Variants in PTPN5 observed in about 807,000 individuals in gnomAD.
PTPN5 encodes tyrosine-protein phosphatase non-receptor type 5.
Under a neutral mutation model 73.9 loss-of-function variants are expected in PTPN5, and 29 were observed. That is an observed-to-expected ratio of 0.39 (90% confidence interval 0.29 to 0.54). The LOEUF is 0.54. Ranked by LOEUF, PTPN5 falls within the 20% of genes least tolerant of loss-of-function variation. The probability of loss-of-function intolerance (pLI) is 0.65; values close to 1 mark genes in which losing one functional copy is unlikely to be tolerated. For synonymous variants in PTPN5, 267 were observed against 304.7 expected (o/e 0.88, Z 1.29); for missense variants, 652 against 751.4 (o/e 0.87, Z 1.55).
At chr11:18,767,786 G>A (rs1451254117) in intron 2 of PTPN5, among the ~76,000 whole-genome samples, 5 of 152,172 alleles carry the variant, frequency 3.3e-5, no homozygotes. Context: ...TTAGAACAAA[G>A]AAAAATCCTT....
chr11:18,779,330 T>C (rs1314400422), intron 1 of PTPN5, among the ~76,000 whole-genome samples: 1 of 151,390 alleles, frequency 6.6e-6, no homozygotes. Flanking sequence ...TTTGGAAACA[T>C]TAGCTGGATT....
rs771954768 is a variant in PTPN5 at position 18,733,651 on chromosome 11, A to G, written c.1001-16T>C. The G allele has an allele frequency of 6.2e-7, 1 of 1,613,848 alleles. No individual in the cohort carries two copies. Among genetic ancestry groups the G allele is most frequent in the Non-Finnish European group, 8.5e-7 (1 of 1,179,734 alleles). ...CTGTGAGGGTCTGGGGTGGTGGGAG[A>G]CAAGTAAGGCTGGAAACTGGGCCCT... is the stretch of plus-strand genomic sequence containing the variant. On this transcript the variant is annotated splice_polypyrimidine_tract_variant and intron_variant, in intron 9 of 14. Coordinates refer to ENST00000358540, the MANE Select transcript of PTPN5 (RefSeq NM_006906.2). This position sits in a 1 kb window ranked among gnomAD's most constrained non-coding sequence, Gnocchi z 4.3.
chr11:18,770,056 A>T (rs1239830210), intron 2 of PTPN5, among the ~76,000 whole-genome samples: 1 of 152,188 alleles, frequency 6.6e-6, no homozygotes, highest in Non-Finnish European at 1.5e-5. Flanking sequence ...GTGGGGGAGC[A>T]GCAGCTTACG....
chr11:18,753,116 G>C (rs1849968321), intron 3 of PTPN5, among the ~76,000 whole-genome samples: 1 of 152,220 alleles, frequency 6.6e-6, no homozygotes, highest in Non-Finnish European at 1.5e-5. Context: ...GAAACATCCT[G>C]TTAAATGCCC....
At chr11:18,734,793 G>A (rs984989741) in intron 9 of PTPN5, among the ~76,000 whole-genome samples, 1 of 152,216 alleles carries the variant, frequency 6.6e-6, no homozygotes, top group Non-Finnish European at 1.5e-5. Flanking sequence ...GTTTAGTTTT[G>A]TCATCAGCTC....
At chr11:18,735,713 C>T (rs192328690) in intron 9 of PTPN5, among the ~76,000 whole-genome samples, 1 of 149,484 alleles carries the variant, frequency 6.7e-6, no homozygotes, top group Non-Finnish European at 1.5e-5. Flanking sequence ...TGCAGTGAGC[C>T]GAGACTGTGC....
intron 3 of PTPN5, among the ~76,000 whole-genome samples, chr11:18,745,224 G>C (rs1020879997): frequency 6.6e-6 from 1 of 152,224 alleles, no homozygotes; most frequent in Non-Finnish European, 1.5e-5. Context: ...TGACAGCTGG[G>C]AAGGGGCTGT....
chr11:18,775,123 G>A lies in PTPN5; in HGVS notation c.-113-3052C>T, dbSNP rs550393901. On this transcript the variant is annotated intron_variant, in intron 1 of 14. Transcript: ENST00000358540. ...AACGTTTCCTGCATTTTCTAAAGGC[G>A]GAAATGGAAATTCAGAGAAGTAAAG... Among the ~76,000 whole-genome samples, 18 of 152,290 alleles carry A rather than the reference G, an allele frequency of 1.2e-4. 1 individual carries two copies. Among genetic ancestry groups the A allele is most frequent in the Non-Finnish European group, 1.5e-4 (10 of 68,024 alleles).
chr11:18,768,775 C>T (rs1850747210), intron 2 of PTPN5, among the ~76,000 whole-genome samples: 1 of 152,238 alleles, frequency 6.6e-6, no homozygotes, highest in African/African-American at 2.4e-5. Flanking sequence ...GCCTGCGTGT[C>T]TAGACTGTCC....
rs1849435226 is a variant in PTPN5 at position 18,742,905 on chromosome 11, C to T, written c.483+87G>A. On this transcript the variant is annotated intron_variant, in intron 6 of 14. Transcript: ENST00000358540. This position sits in a 1 kb window ranked among gnomAD's most constrained non-coding sequence, Gnocchi z 4.1. ...TCCTTGCCCCACCCAGAATGTCCAG[C>T]CTATAAGTCAGATGGGAGCTGGTAG... 1 of 920,436 alleles carries T rather than the reference C, an allele frequency of 1.1e-6. No homozygotes were observed. The highest frequency in any genetic ancestry group is 1.7e-6 in the Non-Finnish European group (1 of 578,978). 57.0% of individuals were successfully genotyped at this position (920,436 alleles called of 1,614,324 possible).
chr11:18,740,121 G>A (rs1849296320), intron 8 of PTPN5, among the ~76,000 whole-genome samples: 1 of 152,244 alleles, frequency 6.6e-6, no homozygotes, highest in Non-Finnish European at 1.5e-5. Flanking sequence ...ATAGGAGGCA[G>A]CTGGAGGCTG....
intron 3 of PTPN5, among the ~76,000 whole-genome samples, chr11:18,761,830 G>A (rs972220786): frequency 1.3e-5 from 2 of 152,174 alleles, no homozygotes; most frequent in African/African-American, 4.8e-5. Flanking sequence ...CGGGATGGAG[G>A]GATGGAGCTG....
At chr11:18,791,366 G>A (rs1851917531) in intron 1 of PTPN5, among the ~76,000 whole-genome samples, 159 bp downstream of exon 1, 2 of 152,200 alleles carry the variant, frequency 1.3e-5, no homozygotes, top group African/African-American at 4.8e-5. Flanking sequence ...CAGCATGCGG[G>A]CGCCCAGAGC....
intron 1 of PTPN5, among the ~76,000 whole-genome samples, chr11:18,782,384 T>C (rs199940832): frequency 6.6e-6 from 1 of 152,088 alleles, no homozygotes; most frequent in Non-Finnish European, 1.5e-5. Flanking sequence ...TGTACCACCA[T>C]GCCCAGCTAA....
intron 3 of PTPN5, among the ~76,000 whole-genome samples, chr11:18,749,654 G>C (rs944781328): frequency 6.6e-6 from 1 of 152,198 alleles, no homozygotes; most frequent in African/African-American, 2.4e-5. Context: ...GTAGGATCCT[G>C]GGTAAGGCAT....
At chr11:18,765,380 C>T (rs1012179788) in intron 3 of PTPN5, among the ~76,000 whole-genome samples, 13 of 152,090 alleles carry the variant, frequency 8.5e-5, no homozygotes, top group African/African-American at 2.4e-4. Flanking sequence ...ACCCTCAAGC[C>T]GGGCTTCTCA....
intron 1 of PTPN5, among the ~76,000 whole-genome samples, chr11:18,780,127 C>T (rs1182454620): frequency 6.6e-6 from 1 of 152,212 alleles, no homozygotes; most frequent in African/African-American, 2.4e-5. Context: ...GGTCTGCTTC[C>T]TATTTCCTCA....
chr11:18,791,453 C>G (rs1413303137), intron 1 of PTPN5, 72 bp downstream of exon 1: 1 of 152,136 alleles, frequency 6.6e-6, no homozygotes, highest in Non-Finnish European at 1.5e-5. Context: ...GCGGGGCCGC[C>G]CGAAGGAGGG....
chr11:18,764,020 T>C (rs528086578), intron 3 of PTPN5, among the ~76,000 whole-genome samples: 2 of 152,336 alleles, frequency 1.3e-5, no homozygotes, highest in East Asian at 3.9e-4. Context: ...CCATCCCTGA[T>C]TGTAGAGTCA....
Sources: allele counts gnomAD v4.1 joint callset (sites outside exome capture counted in the v4.1 genomes callset), GRCh38; gene constraint gnomAD v4.1.1; non-coding constraint Gnocchi (gnomAD v3.1); transcripts MANE v1.5; gene names NCBI Gene and HGNC (gene_info 2026-07-23, HGNC 2026-07-21).